GAB2: variants seen among roughly 807,000 people sequenced by gnomAD.
The protein encoded by GAB2 is GRB2 associated binding protein 2, also known as GRB2-associated-binding protein 2.
GAB2 carries 26 observed loss-of-function variants against 65.5 expected under a neutral mutation model. The ratio of observed to expected loss-of-function variants is 0.40; its 90% CI spans 0.29 to 0.55. GAB2 has a LOEUF of 0.55. Among genes scored for constraint, GAB2 ranks in the 20% least tolerant of loss-of-function variants. GAB2 has a pLI of 0.53. For synonymous variants in GAB2, 321 were observed against 329.6 expected (o/e 0.97, Z 0.28); for missense variants, 884 against 875.8 (o/e 1.01, Z -0.12).
At chr11:78,375,535 C>T (rs980576397) in intron 1 of GAB2, among the ~76,000 whole-genome samples, 3 of 152,132 alleles carry the variant, frequency 2.0e-5, no homozygotes, top group Non-Finnish European at 4.4e-5. Context: ...GATACATCAA[C>T]TGATCAGCAA....
chr11:78,331,930 G>GA (rs1008261303), intron 1 of GAB2, among the ~76,000 whole-genome samples: 2 of 151,978 alleles, frequency 1.3e-5, no homozygotes, highest in African/African-American at 4.8e-5. Context: ...TTGGGAAGGG[G>GA]AAAAAAAACA....
chr11:78,321,052 T>C (rs767955602), intron 1 of GAB2, among the ~76,000 whole-genome samples: 66 of 152,308 alleles, frequency 4.3e-4, no homozygotes, highest in Non-Finnish European at 7.2e-4. Context: ...GAGCCAACTA[T>C]GACATCTACT....
chr11:78,219,250 G>C lies in GAB2; in HGVS notation c.*22C>G. ...GCCAGCTCTGGAGATGCTGCCTCCT[G>C]GGCTCTGCGGTGGCCCTCTCATCAC... On this transcript the variant is annotated 3_prime_UTR_variant, in exon 10 of 10. Coordinates refer to ENST00000361507, the MANE Select transcript of GAB2 (RefSeq NM_080491.3). 1 of 1,610,780 alleles carries C rather than the reference G, an allele frequency of 6.2e-7. No homozygotes were observed. Among genetic ancestry groups the C allele is most frequent in the African/African-American group, 1.3e-5 (1 of 74,966 alleles).
intron 1 of GAB2, among the ~76,000 whole-genome samples, chr11:78,385,490 A>G (rs565045199): frequency 6.6e-6 from 1 of 152,356 alleles, no homozygotes; most frequent in East Asian, 1.9e-4. Flanking sequence ...GGTATGGGAA[A>G]AGCATTAGTT....
intron 3 of GAB2, among the ~76,000 whole-genome samples, chr11:78,237,721 G>A (rs1448867612): frequency 1.3e-5 from 2 of 152,224 alleles, no homozygotes; most frequent in African/African-American, 4.8e-5. Flanking sequence ...GATAATGTAA[G>A]TGATTGTTGG....
In GAB2 at chr11:78,231,648, T is replaced by C. The variant is rs147473390; in HGVS notation, c.621-4597A>G. On this transcript the variant is annotated intron_variant, in intron 3 of 9. Transcript: ENST00000361507. ...CAGGCGTGAGCCACTGTGCCCGGCC[T>C]TCCCTTGGCTTTTAAAAATGGTTTT... Among the ~76,000 whole-genome samples the C allele has an allele frequency of 5.4e-3, 829 of 152,314 alleles. 7 individuals carry two copies. Among genetic ancestry groups the C allele is most frequent in the African/African-American group, 0.018 (764 of 41,554 alleles).
At chr11:78,222,017 C>G (rs1864449067) in intron 7 of GAB2, 88 bp downstream of exon 7, 1 of 871,504 alleles carries the variant, frequency 1.1e-6, no homozygotes, top group Admixed American at 1.8e-5. Context: ...CAGAATCCAG[C>G]TGTCCCGGCC....
chr11:78,417,213 G>A (rs547411983), intron 1 of GAB2, among the ~76,000 whole-genome samples: 156 of 152,132 alleles, frequency 1.0e-3, no homozygotes, highest in African/African-American at 2.6e-3. Context: ...CGCCCTTTGT[G>A]GGGCCGTCCG....
intron 1 of GAB2, among the ~76,000 whole-genome samples, chr11:78,367,216 T>A (rs1229526375): frequency 1.3e-5 from 2 of 152,254 alleles, no homozygotes; most frequent in East Asian, 1.9e-4. Flanking sequence ...TCTAGCAATA[T>A]CCTTTAACCT....
chr11:78,300,704 T>TTG (rs1341027434), intron 1 of GAB2, among the ~76,000 whole-genome samples: 8 of 143,062 alleles, frequency 5.6e-5, no homozygotes, highest in East Asian at 3.9e-4. Flanking sequence ...TGTTTTTTTT[T>TTG]TTTTTTTTGA....
At chr11:78,407,658 TAAGA>T (rs375405621) in intron 1 of GAB2, among the ~76,000 whole-genome samples, 16,253 of 117,024 alleles carry the variant, frequency 0.14, 1,143 homozygotes, top group Non-Finnish European at 0.18. Context: ...AGAAAGAAAG[TAAGA>T]AAGAAAGAAA....
intron 1 of GAB2, among the ~76,000 whole-genome samples, chr11:78,371,402 T>C (rs1268757014): frequency 6.6e-6 from 1 of 152,200 alleles, no homozygotes; most frequent in Non-Finnish European, 1.5e-5. Context: ...ATGGTTATAG[T>C]GAAGATTAAA....
intron 1 of GAB2, among the ~76,000 whole-genome samples, chr11:78,402,931 T>C (rs1185672682): frequency 6.6e-6 from 1 of 152,122 alleles, no homozygotes; most frequent in East Asian, 1.9e-4. Flanking sequence ...TATCAGGTCA[T>C]GAGGGCAGAG....
chr11:78,320,767 A>G lies in GAB2; in HGVS notation c.76-39866T>C, dbSNP rs574122238. 2.9e-4 allele frequency among the ~76,000 whole-genome samples: 36 copies of G among 124,136 alleles called. No homozygotes were observed. In the Admixed American group the frequency reaches 3.3e-3, roughly 11 times the overall value. 81.4% of individuals were successfully genotyped at this position (124,136 alleles called of 152,430 possible). On this transcript the variant is annotated intron_variant, in intron 1 of 9. Coordinates refer to ENST00000361507, the MANE Select transcript of GAB2 (RefSeq NM_080491.3). ...TTTTTGGTAGAGATGGAGTTTTGTC[A>G]TGTTGCCCAGGCTGATCTATCTCAA... is the stretch of plus-strand genomic sequence containing the variant.
chr11:78,303,656 T>C (rs565795705), intron 1 of GAB2, among the ~76,000 whole-genome samples: 249 of 152,354 alleles, frequency 1.6e-3, no homozygotes, highest in African/African-American at 5.7e-3. Context: ...CCTTTGCATT[T>C]CCATACGGAT....
intron 1 of GAB2, among the ~76,000 whole-genome samples, chr11:78,405,779 C>G (rs1020542158): frequency 6.6e-6 from 1 of 152,124 alleles, no homozygotes; most frequent in Non-Finnish European, 1.5e-5. Context: ...TTTCTTTATG[C>G]CTCATATATC....
In GAB2 at chr11:78,370,725, A is replaced by ATGTGTGTG. The variant is rs113823389; in HGVS notation, c.75+46913_75+46920dup. On this transcript the variant is annotated intron_variant, in intron 1 of 9. Coordinates refer to ENST00000361507, the MANE Select transcript of GAB2 (RefSeq NM_080491.3). ...TATGTGTGTGTGCGTGTGTGTGTGTATGTGTGTGTGTGTGTGTGTGTAAGG... is the reference window on the plus strand; with the variant it reads ...TATGTGTGTGTGCGTGTGTGTGTGTATGTGTGTGTGTGTGTGTGTGTGTGTGTGTAAGG... 2.0e-3 allele frequency among the ~76,000 whole-genome samples: 299 copies of ATGTGTGTG among 148,894 alleles called. 3 individuals carry two copies. The highest frequency in any genetic ancestry group is 6.8e-3 in the Middle Eastern group (2 of 292).
At chr11:78,412,964 C>G (rs747720697) in intron 1 of GAB2, among the ~76,000 whole-genome samples, 13 of 152,250 alleles carry the variant, frequency 8.5e-5, no homozygotes, top group Non-Finnish European at 1.5e-4. Context: ...GTTTTGGTGA[C>G]AGATTAGATG....
chr11:78,364,319 C>G (rs1856470654), intron 1 of GAB2, among the ~76,000 whole-genome samples: 1 of 152,180 alleles, frequency 6.6e-6, no homozygotes, highest in African/African-American at 2.4e-5. Context: ...CATTGCTTCT[C>G]TACACTCCTT....
Sources: gnomAD v4.1 joint callset for allele counts (sites outside exome capture counted in the v4.1 genomes callset) on GRCh38, gnomAD v4.1.1 for gene constraint, MANE v1.5 for transcripts, NCBI Gene and HGNC (gene_info 2026-07-23, HGNC 2026-07-21) for gene names.